The following MAPK10 variants were observed in gnomAD, a reference collection of about 807,000 sequenced individuals.
MAPK10 encodes the protein JNK3 alpha protein kinase.
In MAPK10, 25 loss-of-function variants were observed where a neutral mutation model predicts 59.3. The observed-to-expected ratio is 0.42, with a 90% CI of 0.31 to 0.59. The LOEUF (loss-of-function observed/expected upper bound fraction) is 0.59, where lower values mean the gene tolerates loss of function less well. MAPK10 is among the 20% of genes least tolerant of loss of function. The pLI is 0.15. For synonymous variants in MAPK10, 190 were observed against 200.5 expected, an observed-to-expected ratio of 0.95 and a Z score of 0.44; for missense variants, 351 against 568.9, an observed-to-expected ratio of 0.62 and a Z score of 3.90.
intron 11 of MAPK10, among the ~76,000 whole-genome samples, chr4:86,055,426 T>C (rs1423027493): frequency 6.7e-6 from 1 of 149,742 alleles, no homozygotes; most frequent in Non-Finnish European, 1.5e-5. Context: ...TCCAAATAGG[T>C]CTTTCCTGAG....
chr4:86,409,194 C>T (rs959003750), intron 1 of MAPK10, among the ~76,000 whole-genome samples: 1 of 152,108 alleles, frequency 6.6e-6, no homozygotes, highest in Non-Finnish European at 1.5e-5. Context: ...TCAGATTTGT[C>T]AAAGATCAGA....
intron 2 of MAPK10, among the ~76,000 whole-genome samples, chr4:86,282,571 C>G (rs1321603246): frequency 6.6e-6 from 1 of 152,112 alleles, no homozygotes; most frequent in South Asian, 2.1e-4. Flanking sequence ...AAGGTAAATA[C>G]AGATTTTGGA....
intron 1 of MAPK10, among the ~76,000 whole-genome samples, chr4:86,469,352 T>C (rs1417995425): frequency 6.6e-6 from 1 of 152,142 alleles, no homozygotes; most frequent in East Asian, 1.9e-4. Flanking sequence ...TGTCCAAAGG[T>C]GGAATGGGCT....
At chr4:86,481,862 A>G (rs1401845187) in intron 1 of MAPK10, among the ~76,000 whole-genome samples, 2 of 152,160 alleles carry the variant, frequency 1.3e-5, no homozygotes, top group Admixed American at 1.3e-4. Flanking sequence ...TTAACTCTGG[A>G]CTGCTTGATT....
chr4:86,228,231 G>A (rs900999853), intron 2 of MAPK10, among the ~76,000 whole-genome samples: 6 of 152,162 alleles, frequency 3.9e-5, no homozygotes, highest in African/African-American at 1.2e-4. Flanking sequence ...AAAGGAAATG[G>A]TTAGGAGCAT....
At chr4:86,531,413 T>A (rs1757844192) in intron 1 of MAPK10, among the ~76,000 whole-genome samples, 1 of 152,100 alleles carries the variant, frequency 6.6e-6, no homozygotes, top group Non-Finnish European at 1.5e-5. Flanking sequence ...TGGTGGTCAT[T>A]GTTATGGGTT....
intron 1 of MAPK10, among the ~76,000 whole-genome samples, chr4:86,505,157 T>C (rs1392460720): frequency 6.6e-6 from 1 of 152,154 alleles, no homozygotes; most frequent in Non-Finnish European, 1.5e-5. Context: ...AGCACATTCT[T>C]ATTATTCCTC....
At chr4:86,514,897 C>T (rs1756540959) in intron 1 of MAPK10, among the ~76,000 whole-genome samples, 1 of 152,144 alleles carries the variant, frequency 6.6e-6, no homozygotes, top group African/African-American at 2.4e-5. Context: ...TGCTTGGTTA[C>T]TTGGATAAGT....
intron 2 of MAPK10, among the ~76,000 whole-genome samples, chr4:86,244,776 G>A (rs2092970095): frequency 6.6e-6 from 1 of 152,130 alleles, no homozygotes; most frequent in Non-Finnish European, 1.5e-5. Context: ...GCTCTAGGCT[G>A]GATAATGAAA....
At position 86,461,131 on chromosome 4, in the gene MAPK10, T is replaced by A. The variant is rs557271464; in HGVS notation, c.-262-106487A>T. On this transcript the variant is annotated intron_variant, in intron 1 of 4. Coordinates refer to the MAPK10 transcript ENST00000502302. ...AGCTGGAGGACACCTGAGTACTCTT[T>A]TTTTTTTTTGAAATATTTAAAGAGG... 2.4e-3 allele frequency among the ~76,000 whole-genome samples: 356 copies of A among 151,356 alleles called. 1 individual carries two copies. The highest frequency in any genetic ancestry group is 8.4e-3 in the African/African-American group (345 of 41,246).
intron 2 of MAPK10, among the ~76,000 whole-genome samples, chr4:86,198,758 AAT>A (rs1052927092): frequency 3.3e-5 from 5 of 151,800 alleles, no homozygotes; most frequent in Non-Finnish European, 7.4e-5. Context: ...TGTGTATTAA[AAT>A]ATGTGATAAT....
chr4:86,021,964 G>A (rs4479697), intron 13 of MAPK10, among the ~76,000 whole-genome samples: 37,399 of 152,134 alleles, frequency 0.25, 5,952 homozygotes, highest in African/African-American at 0.46. Context: ...CGCCGCACGC[G>A]GCCCGGGTTC....
At chr4:86,485,031 T>C (rs756256732) in intron 1 of MAPK10, among the ~76,000 whole-genome samples, 16 of 152,270 alleles carry the variant, frequency 1.1e-4, no homozygotes, top group Non-Finnish European at 2.1e-4. Context: ...ATTTACAAGG[T>C]CGGATGAATA....
At chr4:86,405,937 C>G (rs142311136) in intron 1 of MAPK10, among the ~76,000 whole-genome samples, 2 of 152,278 alleles carry the variant, frequency 1.3e-5, no homozygotes, top group East Asian at 3.9e-4. Context: ...TTGCAGGCGT[C>G]TTTTTAACTG....
intron 1 of MAPK10, among the ~76,000 whole-genome samples, chr4:86,388,218 G>A (rs1741757266): frequency 6.6e-6 from 1 of 151,948 alleles, no homozygotes; most frequent in South Asian, 2.1e-4. Context: ...GTGTGAGAGA[G>A]AGAGAGAATA....
At chr4:86,569,310 C>T (rs1761288536) in intron 1 of MAPK10, among the ~76,000 whole-genome samples, 2 of 151,782 alleles carry the variant, frequency 1.3e-5, no homozygotes, top group African/African-American at 4.8e-5. Context: ...CAGGTGTTGA[C>T]GAGGATGCAG....
chr4:86,588,362 AT>A (rs1252459434), intron 1 of MAPK10, among the ~76,000 whole-genome samples: 3 of 152,062 alleles, frequency 2.0e-5, no homozygotes, highest in Admixed American at 6.6e-5. Flanking sequence ...GGTTGTAAAG[AT>A]TTTTTTTAAT....
At chr4:86,210,666 G>A (rs184065796) in intron 2 of MAPK10, among the ~76,000 whole-genome samples, 6 of 151,418 alleles carry the variant, frequency 4.0e-5, no homozygotes, top group African/African-American at 7.3e-5. Context: ...AAGGAATAAC[G>A]TTGTTTTCAA....
intron 3 of MAPK10, 122 bp downstream of exon 3, chr4:86,194,214 T>C (rs2080722832): frequency 1.3e-6 from 1 of 774,368 alleles, no homozygotes; most frequent in Admixed American, 2.2e-5. Flanking sequence ...AGCTCCTAAT[T>C]CTAAACTACT....
Sources: allele counts gnomAD v4.1 joint callset (sites outside exome capture counted in the v4.1 genomes callset), GRCh38; gene constraint gnomAD v4.1.1; transcripts MANE v1.5; gene names NCBI Gene and HGNC (gene_info 2026-07-23, HGNC 2026-07-21).